HDLBP: variants seen among roughly 807,000 people sequenced by gnomAD.
HDLBP encodes vigilin.
HDLBP carries 30 observed loss-of-function variants against 137.3 expected under a neutral mutation model. The observed-to-expected ratio is 0.22, with a 90% CI of 0.16 to 0.30. The LOEUF (loss-of-function observed/expected upper bound fraction) is 0.30, where lower values mean the gene tolerates loss of function less well. Among genes scored for constraint, HDLBP ranks in the 10% least tolerant of loss-of-function variants. The pLI is 1.00. For missense variants in HDLBP, 1,119 were observed against 1,667.3 expected (o/e 0.67, Z 5.73); for synonymous variants, 606 against 596.0 (o/e 1.02, Z -0.24).
chr2:241,261,602 G>T (rs2073192650), intron 5 of HDLBP, among the ~76,000 whole-genome samples: 1 of 152,158 alleles, frequency 6.6e-6, no homozygotes, highest in Non-Finnish European at 1.5e-5. Context: ...CAAAACAGAA[G>T]CTCAAATATC....
chr2:241,248,452 A>G, intron 12 of HDLBP, 104 bp from the exon 13 acceptor site: 1 of 927,632 alleles, frequency 1.1e-6, no homozygotes, highest in Non-Finnish European at 1.7e-6. Flanking sequence ...TCCTTCATGG[A>G]GCAGGTGAGG....
intron 11 of HDLBP, chr2:241,250,747 G>GA (rs1036944922): frequency 1.2e-5 from 1 of 86,566 alleles, no homozygotes; most frequent in South Asian, 5.2e-4. Context: ...GATGCACTGA[G>GA]GGGGGAACAT....
intron 16 of HDLBP, 109 bp downstream of exon 16, chr2:241,246,643 A>C: frequency 9.3e-7 from 1 of 1,080,228 alleles, no homozygotes; most frequent in Non-Finnish European, 1.4e-6. Context: ...AATCTTCCAC[A>C]TCAGCCTGCG....
chr2:241,234,857 C>T (rs1394265661), intron 23 of HDLBP, among the ~76,000 whole-genome samples: 5 of 152,210 alleles, frequency 3.3e-5, no homozygotes, highest in African/African-American at 1.2e-4. Flanking sequence ...AGGTACCACT[C>T]TGATTTGGTT....
intron 17 of HDLBP, among the ~76,000 whole-genome samples, chr2:241,241,450 C>G (rs1294364329): frequency 6.6e-6 from 1 of 151,684 alleles, no homozygotes; most frequent in Non-Finnish European, 1.5e-5. Flanking sequence ...GCCTGTGGTC[C>G]CAGCTACTCG....
intron 1 of HDLBP, among the ~76,000 whole-genome samples, chr2:241,307,274 A>G (rs1292256163): frequency 6.6e-6 from 1 of 152,122 alleles, no homozygotes; most frequent in African/African-American, 2.4e-5. Context: ...GATCTGAAAA[A>G]CGCTTATTTG....
chr2:241,233,074 G>C lies in HDLBP; in HGVS notation c.3288+746C>G, dbSNP rs565194428. ...GGCGTGGAGGGGCTCTGCTGCCAGG[G>C]GGTTTGCTGTTTCTGGAAACCAGCA... On this transcript the variant is annotated intron_variant, in intron 24 of 27. Coordinates refer to ENST00000310931, the MANE Select transcript of HDLBP (RefSeq NM_005336.6). The surrounding 1 kb of genome is among the most constrained non-coding windows in gnomAD (Gnocchi z 4.3). Among the ~76,000 whole-genome samples the C allele has an allele frequency of 2.6e-3, 393 of 152,194 alleles. 2 individuals are homozygous for C. The highest frequency in any genetic ancestry group is 2.5e-3 in the Non-Finnish European group (169 of 68,002).
In HDLBP at chr2:241,308,008, C is replaced by T. The variant is rs549152804; in HGVS notation, c.-103+7562G>A. ...ACAGGCAATGCATTGATAGATATTG[C>T]CAAGGTAAAACTGCCCACCTCCCAA... is the stretch of plus-strand genomic sequence containing the variant. On this transcript the variant is annotated intron_variant, in intron 1 of 27. Coordinates refer to ENST00000310931, the MANE Select transcript of HDLBP (RefSeq NM_005336.6). 2.6e-5 allele frequency among the ~76,000 whole-genome samples: 4 copies of T among 152,148 alleles called. No individual in the cohort carries two copies. The East Asian group carries it at 5.8e-4, about 22-fold the overall frequency.
intron 5 of HDLBP, among the ~76,000 whole-genome samples, chr2:241,260,496 A>T (rs569928110): frequency 6.6e-6 from 1 of 151,858 alleles, no homozygotes; most frequent in Non-Finnish European, 1.5e-5. Flanking sequence ...TCGATTATTT[A>T]TCTGGTACTT....
At chr2:241,245,173 T>C (rs1239025585) in intron 16 of HDLBP, among the ~76,000 whole-genome samples, 3 of 151,048 alleles carry the variant, frequency 2.0e-5, no homozygotes, top group African/African-American at 7.3e-5. Context: ...AATGCAAACA[T>C]CATAATCTTT....
chr2:241,268,306 G>T (rs902655679), intron 2 of HDLBP, 171 bp downstream of exon 2: 5 of 200,402 alleles, frequency 2.5e-5, no homozygotes, highest in African/African-American at 1.2e-4. Context: ...TCTATAGATG[G>T]TTCCTGCTGG....
At chr2:241,242,134 A>T (rs773943451) in intron 17 of HDLBP, among the ~76,000 whole-genome samples, 5 of 152,212 alleles carry the variant, frequency 3.3e-5, no homozygotes, top group Non-Finnish European at 5.9e-5. Flanking sequence ...AATTTTGATG[A>T]TTGTGGTCAC....
At position 241,259,146 on chromosome 2, in the gene HDLBP, A is replaced by AAAATC. The variant is rs760068049; in HGVS notation, c.451-2345_451-2341dup. 2.8e-4 allele frequency among the ~76,000 whole-genome samples: 43 copies of AAAATC among 152,354 alleles called. No individual in the cohort carries two copies. The East Asian group carries it at 7.1e-3, about 25-fold the overall frequency. ...TACACTGCTGAACAAAGAAATGAGA[A>AAAATC]AAATCACTACTTACTGATATGCAGA... On this transcript the variant is annotated intron_variant, in intron 5 of 27. Coordinates refer to ENST00000310931, the MANE Select transcript of HDLBP (RefSeq NM_005336.6).
intron 7 of HDLBP, among the ~76,000 whole-genome samples, chr2:241,255,903 G>A (rs1199670077): frequency 2.6e-5 from 4 of 152,314 alleles, no homozygotes; most frequent in Middle Eastern, 3.4e-3. Flanking sequence ...AATCTAAGAC[G>A]TGAACAAGTC....
At chr2:241,255,812 C>T (rs142321077) in intron 7 of HDLBP, among the ~76,000 whole-genome samples, 3 of 152,388 alleles carry the variant, frequency 2.0e-5, no homozygotes, top group South Asian at 2.1e-4. Flanking sequence ...CGTCCTTGAA[C>T]ACTGCAAAAC....
chr2:241,238,576 T>G lies in HDLBP; in HGVS notation c.2749+73A>C. On this transcript the variant is annotated intron_variant, in intron 20 of 27. Transcript: ENST00000310931. The surrounding 1 kb of genome is among the most constrained non-coding windows in gnomAD (Gnocchi z 4.9). ...GAGACAGGAAAGAGCCTCACCAGTATGTGCGACAGCCCCGCCTCTCACATG... is the reference window on the plus strand; with the variant it reads ...GAGACAGGAAAGAGCCTCACCAGTAGGTGCGACAGCCCCGCCTCTCACATG... 1 of 1,195,946 alleles carries G rather than the reference T, an allele frequency of 8.4e-7. No individual in the cohort carries two copies. Among genetic ancestry groups the G allele is most frequent in the Non-Finnish European group, 1.1e-6 (1 of 879,006 alleles). The allele number at this position is 1,195,946 out of a possible 1,614,324, so 74.1% of individuals were successfully genotyped here.
intron 1 of HDLBP, among the ~76,000 whole-genome samples, chr2:241,304,915 T>C (rs192642052): frequency 2.0e-5 from 3 of 152,382 alleles, no homozygotes; most frequent in African/African-American, 7.2e-5. Flanking sequence ...CTTGATTTCC[T>C]GGGCCTGTCT....
intron 1 of HDLBP, among the ~76,000 whole-genome samples, chr2:241,293,097 G>A (rs1257237743): frequency 6.6e-6 from 1 of 152,056 alleles, no homozygotes; most frequent in Non-Finnish European, 1.5e-5. Context: ...ACACTCACAG[G>A]GTGAATCAAA....
intron 1 of HDLBP, among the ~76,000 whole-genome samples, chr2:241,293,319 T>TA (rs1489260431): frequency 2.6e-5 from 4 of 151,124 alleles, no homozygotes; most frequent in Admixed American, 6.6e-5. Flanking sequence ...CACAAAAAAA[T>TA]AAAAAATACA....
Sources: allele counts gnomAD v4.1 joint callset (sites outside exome capture counted in the v4.1 genomes callset), GRCh38; gene constraint gnomAD v4.1.1; non-coding constraint Gnocchi (gnomAD v3.1); transcripts MANE v1.5; gene names NCBI Gene and HGNC (gene_info 2026-07-23, HGNC 2026-07-21).